Variants in EMSY observed in about 807,000 individuals in gnomAD.
EMSY encodes the protein EMSY transcriptional repressor, BRCA2 interacting, also known as BRCA2-interacting transcriptional repressor EMSY.
Under a neutral mutation model 134.6 loss-of-function variants are expected in EMSY, and 26 were observed. The observed-to-expected ratio is 0.19, with a 90% CI of 0.14 to 0.27. The LOEUF (loss-of-function observed/expected upper bound fraction) is 0.27. Ranked by LOEUF, EMSY falls within the 10% of genes least tolerant of loss-of-function variation. EMSY has a pLI of 1.00. For synonymous variants in EMSY, 579 were observed against 577.8 expected (o/e 1.00, Z -0.03); for missense variants, 1,305 against 1,611.4 (o/e 0.81, Z 3.26).
chr11:76,486,306 C>T (rs1215906091), intron 8 of EMSY, among the ~76,000 whole-genome samples: 1 of 152,086 alleles, frequency 6.6e-6, no homozygotes, highest in Non-Finnish European at 1.5e-5. Context: ...AGGTAGATGA[C>T]AGGTTGTTGG....
intron 8 of EMSY, among the ~76,000 whole-genome samples, chr11:76,484,527 G>C (rs1350638735): frequency 6.6e-6 from 1 of 152,142 alleles, no homozygotes; most frequent in Non-Finnish European, 1.5e-5. Context: ...GAAGAAAAGA[G>C]AGAAGAATCA....
At chr11:76,551,948 G>A (rs919516235), downstream of EMSY, 25 of 152,110 alleles carry the variant, frequency 1.6e-4, no homozygotes, top group African/African-American at 5.8e-4. Flanking sequence ...AGTAACAAGA[G>A]CAAACTTGAA....
intron 2 of EMSY, among the ~76,000 whole-genome samples, chr11:76,448,598 T>C (rs1279628667): frequency 6.6e-6 from 1 of 151,980 alleles, no homozygotes; most frequent in African/African-American, 2.4e-5. Context: ...GTGTGGGTAA[T>C]GTTGCTGCAG....
At chr11:76,469,382 TG>T (rs1948485266) in intron 7 of EMSY, among the ~76,000 whole-genome samples, 2 of 152,306 alleles carry the variant, frequency 1.3e-5, no homozygotes, top group Admixed American at 6.5e-5. Context: ...GAACCCTAAT[TG>T]CCATTACTAC....
chr11:76,542,089 C>A, intron 17 of EMSY, 127 bp from the exon 19 acceptor site: 1 of 1,198,294 alleles, frequency 8.3e-7, no homozygotes, highest in Non-Finnish European at 1.2e-6. Context: ...TGGTCTTCTG[C>A]CTCCTAGTTC....
intron 11 of EMSY, among the ~76,000 whole-genome samples, chr11:76,517,233 G>A (rs1157820985): frequency 6.6e-6 from 1 of 152,092 alleles, no homozygotes; most frequent in Non-Finnish European, 1.5e-5. Flanking sequence ...GCAAAGCAGA[G>A]CATGATATTG....
At chr11:76,525,603 T>A (rs1396095029) in intron 12 of EMSY, among the ~76,000 whole-genome samples, 1 of 152,198 alleles carries the variant, frequency 6.6e-6, no homozygotes, top group African/African-American at 2.4e-5. Flanking sequence ...TTAGTTAAGT[T>A]CATGTAAAAA....
chr11:76,505,253 G>A (rs1257189493), intron 9 of EMSY, among the ~76,000 whole-genome samples: 4 of 151,976 alleles, frequency 2.6e-5, no homozygotes, highest in Non-Finnish European at 5.9e-5. Context: ...GGAGGCCAAG[G>A]CGGGCGGTCT....
intron 10 of EMSY, among the ~76,000 whole-genome samples, chr11:76,515,835 A>AAG (rs1950431426): frequency 6.6e-6 from 1 of 152,232 alleles, no homozygotes; most frequent in Admixed American, 6.5e-5. Flanking sequence ...CTTTTGGCAT[A>AAG]AAACTAGTAG....
chr11:76,466,750 T>C (rs1034098610), intron 7 of EMSY, among the ~76,000 whole-genome samples: 1 of 152,188 alleles, frequency 6.6e-6, no homozygotes, highest in Non-Finnish European at 1.5e-5. Flanking sequence ...TGGTATGGTA[T>C]TAGAATCAAA....
chr11:76,493,604 G>T (rs1021254037), intron 8 of EMSY, among the ~76,000 whole-genome samples: 1 of 152,174 alleles, frequency 6.6e-6, no homozygotes, highest in Non-Finnish European at 1.5e-5. Context: ...AACAGACGTG[G>T]GGAAGATCTG....
At chr11:76,531,323 G>A (rs541384185) in intron 14 of EMSY, among the ~76,000 whole-genome samples, 3 of 152,104 alleles carry the variant, frequency 2.0e-5, no homozygotes, top group African/African-American at 4.8e-5. Flanking sequence ...AATTCAGGTC[G>A]ACACATTGCA....
chr11:76,449,296 A>G (rs538828984), intron 2 of EMSY, among the ~76,000 whole-genome samples: 2 of 152,300 alleles, frequency 1.3e-5, no homozygotes, highest in East Asian at 1.9e-4. Flanking sequence ...GTTCTTTACA[A>G]TGAGTGAATT....
intron 8 of EMSY, among the ~76,000 whole-genome samples, chr11:76,477,507 G>T (rs146863794): frequency 6.6e-6 from 1 of 151,716 alleles, no homozygotes; most frequent in Non-Finnish European, 1.5e-5. Flanking sequence ...AAGCAAATAT[G>T]TATTTATTAT....
intron 8 of EMSY, among the ~76,000 whole-genome samples, chr11:76,489,188 A>G (rs181401229): frequency 6.6e-6 from 1 of 152,380 alleles, no homozygotes; most frequent in East Asian, 1.9e-4. Flanking sequence ...AAATTAGGAC[A>G]GGCAACCAAG....
At chr11:76,514,822 C>T (rs754676781) in intron 10 of EMSY, among the ~76,000 whole-genome samples, 23 of 152,144 alleles carry the variant, frequency 1.5e-4, no homozygotes, top group Non-Finnish European at 2.9e-4. Flanking sequence ...TGCTTTTAAA[C>T]ACTATTATTC....
chr11:76,505,158 T>C (rs1192630432), intron 9 of EMSY, among the ~76,000 whole-genome samples: 1 of 152,176 alleles, frequency 6.6e-6, no homozygotes, highest in Non-Finnish European at 1.5e-5. Flanking sequence ...ATTGAATGCT[T>C]AGTCAATTAT....
intron 20 of EMSY, chr11:76,546,938 G>A (rs1951675601): frequency 2.8e-6 from 1 of 358,138 alleles, no homozygotes. Context: ...GTAAGTACAG[G>A]CTAATTAACA....
At chr11:76,525,287 A>G (rs1420148351) in intron 12 of EMSY, among the ~76,000 whole-genome samples, 1 of 152,218 alleles carries the variant, frequency 6.6e-6, no homozygotes, top group Non-Finnish European at 1.5e-5. Flanking sequence ...TGAAATAAGT[A>G]ATAACACCAT....
Sources: allele counts gnomAD v4.1 joint callset (sites outside exome capture counted in the v4.1 genomes callset), GRCh38; gene constraint gnomAD v4.1.1; transcripts MANE v1.5; gene names NCBI Gene and HGNC (gene_info 2026-07-23, HGNC 2026-07-21).